FBXO45: variants seen among roughly 807,000 people sequenced by gnomAD.
The protein encoded by FBXO45 is F-box/SPRY domain-containing protein 1.
FBXO45 carries 3 observed loss-of-function variants against 25.5 expected under a neutral mutation model. The ratio of observed to expected loss-of-function variants is 0.12; its 90% CI spans 0.05 to 0.30. The LOEUF (loss-of-function observed/expected upper bound fraction) is 0.30, where lower values mean the gene tolerates loss of function less well. Among genes scored for constraint, FBXO45 ranks in the 10% least tolerant of loss-of-function variants. The pLI is 1.00. For synonymous variants in FBXO45, 155 were observed against 149.8 expected (o/e 1.03, Z -0.25); for missense variants, 219 against 365.0 (o/e 0.60, Z 3.26).
chr3:196,576,104 T>A (rs1337257936), intron 1 of FBXO45, among the ~76,000 whole-genome samples: 1 of 152,216 alleles, frequency 6.6e-6, no homozygotes, highest in African/African-American at 2.4e-5. Context: ...AACAAATAGT[T>A]CTCTGTTTTT....
At chr3:196,574,754 C>G (rs145027040) in intron 1 of FBXO45, among the ~76,000 whole-genome samples, 23 of 152,026 alleles carry the variant, frequency 1.5e-4, no homozygotes, top group African/African-American at 4.8e-4. Flanking sequence ...GGCAAGCACC[C>G]GGCAGAGAGA....
rs1345639597 is a variant in FBXO45, at chr3:196,584,090, C to T, written c.676-43C>T. ...TTGTGTCTTGTTTCTTCTAGCTACACCCTTGGCAGATTTTCTTCTAACCTT... is the reference window on the plus strand; with the variant it reads ...TTGTGTCTTGTTTCTTCTAGCTACATCCTTGGCAGATTTTCTTCTAACCTT... On this transcript the variant is annotated intron_variant, in intron 2 of 2. Transcript: ENST00000311630. The surrounding 1 kb of genome is among the most constrained non-coding windows in gnomAD (Gnocchi z 4.3). The T allele has an allele frequency of 3.2e-6, 5 of 1,580,650 alleles. No homozygotes were observed. In the East Asian group the frequency reaches 6.8e-5, roughly 21 times the overall value.
chr3:196,581,365 G>A (rs1736010248), intron 2 of FBXO45, among the ~76,000 whole-genome samples: 1 of 150,524 alleles, frequency 6.6e-6, no homozygotes, highest in African/African-American at 2.4e-5. Context: ...TGAGTAGCTG[G>A]GACTACAGGT....
intron 2 of FBXO45, among the ~76,000 whole-genome samples, chr3:196,581,701 C>T (rs1736015458): frequency 6.6e-6 from 1 of 151,982 alleles, no homozygotes; most frequent in South Asian, 2.1e-4. Flanking sequence ...GCTTTTTTCC[C>T]CTAAATATGA....
At chr3:196,575,471 AAG>A (rs1485314149) in intron 1 of FBXO45, among the ~76,000 whole-genome samples, 2 of 151,586 alleles carry the variant, frequency 1.3e-5, no homozygotes, top group East Asian at 1.9e-4. Context: ...AAAAAAAAAA[AAG>A]AAAAGGAAGT....
chr3:196,581,717 G>A (rs1736015677), intron 2 of FBXO45, among the ~76,000 whole-genome samples: 2 of 152,090 alleles, frequency 1.3e-5, no homozygotes, highest in African/African-American at 2.4e-5. Context: ...TATGAATCAC[G>A]CTTTCCTGTT....
At position 196,568,859 on chromosome 3, in the gene FBXO45, C is replaced by T. The variant is rs1462907857; in HGVS notation, c.-126C>T. 1.0e-5 allele frequency: 7 copies of T among 693,152 alleles called. No homozygotes were observed. Among genetic ancestry groups the T allele is most frequent in the Non-Finnish European group, 1.2e-5 (7 of 562,684 alleles). The allele number at this position is 693,152 out of a possible 1,614,324, so 42.9% of individuals were successfully genotyped here. ...GCAGGGGCGGGAGTGGTGGAGGCGC[C>T]GGCGGTTGGCACTGACAGGGGCGGT... On this transcript the variant is annotated 5_prime_UTR_variant, in exon 1 of 3. Coordinates refer to ENST00000311630, the MANE Select transcript of FBXO45 (RefSeq NM_001105573.2).
intron 1 of FBXO45, among the ~76,000 whole-genome samples, chr3:196,572,675 T>C (rs1577595047): frequency 1.3e-5 from 2 of 152,284 alleles, no homozygotes; most frequent in East Asian, 3.9e-4. Flanking sequence ...TGGGGATTGG[T>C]GATATGATTA....
At chr3:196,575,181 C>T (rs1048535402) in intron 1 of FBXO45, among the ~76,000 whole-genome samples, 4 of 152,152 alleles carry the variant, frequency 2.6e-5, no homozygotes, top group African/African-American at 4.8e-5. Flanking sequence ...GAGGGCCGGG[C>T]GTGGTGGCTC....
intron 2 of FBXO45, among the ~76,000 whole-genome samples, chr3:196,580,942 A>T (rs1027453029): frequency 2.0e-5 from 3 of 151,100 alleles, no homozygotes; most frequent in Non-Finnish European, 4.4e-5. Flanking sequence ...CTCCCCACCA[A>T]TGCCTGGCTA....
chr3:196,581,223 CTTTTTTTT>C (rs33962634), intron 2 of FBXO45, among the ~76,000 whole-genome samples: 23 of 63,676 alleles, frequency 3.6e-4, no homozygotes, highest in South Asian at 2.6e-3. Flanking sequence ...TTTCTTTTTC[CTTTTTTTT>C]TTTTTTTTTT....
chr3:196,573,405 G>T (rs779677375), intron 1 of FBXO45, among the ~76,000 whole-genome samples: 4 of 152,220 alleles, frequency 2.6e-5, no homozygotes, highest in African/African-American at 4.8e-5. Context: ...TTGTACTACA[G>T]TTGTAAACCA....
chr3:196,572,000 A>T (rs1411826072), intron 1 of FBXO45, among the ~76,000 whole-genome samples: 1 of 152,248 alleles, frequency 6.6e-6, no homozygotes, highest in Non-Finnish European at 1.5e-5. Context: ...TGTTACAGAC[A>T]TAAAAAAGTA....
chr3:196,586,932 C>T lies in FBXO45; in HGVS notation c.*2614C>T, dbSNP rs559049829. 1 of 152,240 alleles carries T rather than the reference C, an allele frequency of 6.6e-6. No homozygotes were observed. Among genetic ancestry groups the T allele is most frequent in the Non-Finnish European group, 1.5e-5 (1 of 68,028 alleles). 9.4% of individuals were successfully genotyped at this position (152,240 alleles called of 1,614,324 possible). A position where few individuals can be genotyped will look rare whatever the true frequency, so the allele number is the denominator to read the frequency against. On this transcript the variant is annotated 3_prime_UTR_variant, in exon 3 of 3. Coordinates refer to ENST00000311630, the MANE Select transcript of FBXO45 (RefSeq NM_001105573.2). ...AAAAAATCCTTGCTCCCTCCCTTCACTACCTCACAAGGATATTGAGGGTAA... is the reference window on the plus strand; with the variant it reads ...AAAAAATCCTTGCTCCCTCCCTTCATTACCTCACAAGGATATTGAGGGTAA...
rs186620749 is a variant in FBXO45, at chr3:196,578,154, C to T, written c.675+345C>T. Among the ~76,000 whole-genome samples the T allele has an allele frequency of 3.3e-4, 49 of 149,600 alleles. 1 individual carries two copies. Among genetic ancestry groups the T allele is most frequent in the South Asian group, 6.3e-4 (3 of 4,732 alleles). On this transcript the variant is annotated intron_variant, in intron 2 of 2. Coordinates refer to ENST00000311630, the MANE Select transcript of FBXO45 (RefSeq NM_001105573.2). ...CTCCCAGGTTCAAGCAATTCTCTGC[C>T]TCAGCCTCAGTAGTTGGGATTACAG... is the stretch of plus-strand genomic sequence containing the variant.
At chr3:196,581,894 G>A (rs1048588905) in intron 2 of FBXO45, among the ~76,000 whole-genome samples, 3 of 152,276 alleles carry the variant, frequency 2.0e-5, no homozygotes, top group African/African-American at 7.2e-5. Context: ...TATAAACTCT[G>A]TCTCATGTGA....
At position 196,571,342 on chromosome 3, in the gene FBXO45, C is replaced by A. The variant is rs115891099; in HGVS notation, c.318+2040C>A. Among the ~76,000 whole-genome samples, 1,473 of 152,272 alleles carry A rather than the reference C, an allele frequency of 9.7e-3. 15 individuals are homozygous for A. Among genetic ancestry groups the A allele is most frequent in the Middle Eastern group, 0.071 (21 of 294 alleles). Reference sequence around the variant, plus strand: ...CCTGAGCTCAAGGGATCCTCCTTAGCTTAGCCTCCCGAGTAGCTGGCACTT... The same window carrying A: ...CCTGAGCTCAAGGGATCCTCCTTAGATTAGCCTCCCGAGTAGCTGGCACTT... On this transcript the variant is annotated intron_variant, in intron 1 of 2. Transcript: ENST00000311630.
chr3:196,582,169 T>C (rs984613167), intron 2 of FBXO45, among the ~76,000 whole-genome samples: 4 of 152,218 alleles, frequency 2.6e-5, no homozygotes, highest in South Asian at 2.1e-4. Flanking sequence ...TTGTGCGTGC[T>C]GTGTGCTCAA....
chr3:196,578,046 C>CTTT lies in FBXO45; in HGVS notation c.675+248_675+250dup, dbSNP rs775555553. ...GATTTTGGCTATGCAGAAAAATATT[C>CTTT]TTTTTTTTTTTTTAGACAGAATCTC... On this transcript the variant is annotated intron_variant, in intron 2 of 2. Coordinates refer to ENST00000311630, the MANE Select transcript of FBXO45 (RefSeq NM_001105573.2). Among the ~76,000 whole-genome samples, 485 of 94,056 alleles carry CTTT rather than the reference C, an allele frequency of 5.2e-3. 39 individuals are homozygous for CTTT. Among genetic ancestry groups the CTTT allele is most frequent in the African/African-American group, 0.022 (471 of 21,580 alleles). 61.7% of individuals were successfully genotyped at this position (94,056 alleles called of 152,430 possible).
Sources: gnomAD v4.1 joint callset for allele counts (sites outside exome capture counted in the v4.1 genomes callset) on GRCh38, gnomAD v4.1.1 for gene constraint, Gnocchi (gnomAD v3.1) non-coding constraint, MANE v1.5 for transcripts, NCBI Gene and HGNC (gene_info 2026-07-23, HGNC 2026-07-21) for gene names.